L3MBTL3: variants seen among roughly 807,000 people sequenced by gnomAD.
L3MBTL3 encodes the protein L3MBTL histone methyl-lysine binding protein 3, also known as lethal(3)malignant brain tumor-like protein 3.
Under a neutral mutation model 102.3 loss-of-function variants are expected in L3MBTL3, and 27 were observed. That is an observed-to-expected ratio of 0.26 (90% CI 0.19 to 0.36). L3MBTL3 has a LOEUF of 0.36. Ranked by LOEUF, L3MBTL3 falls within the 10% of genes least tolerant of loss-of-function variation. The probability of loss-of-function intolerance (pLI) is 1.00; values close to 1 mark genes in which losing one functional copy is unlikely to be tolerated. For missense variants in L3MBTL3, 798 were observed against 955.3 expected (o/e 0.84, Z 2.17); for synonymous variants, 340 against 320.9 (o/e 1.06, Z -0.64).
intron 12 of L3MBTL3, 116 bp from the exon 13 acceptor site, chr6:130,070,860 A>G: frequency 2.3e-6 from 1 of 427,522 alleles, no homozygotes; most frequent in Non-Finnish European, 3.8e-6. Context: ...TGATTTTTAA[A>G]TTATGTGAAT....
chr6:130,124,616 G>A (rs1328000890), intron 20 of L3MBTL3, among the ~76,000 whole-genome samples: 1 of 152,070 alleles, frequency 6.6e-6, no homozygotes, highest in South Asian at 2.1e-4. Context: ...TGCTTCATTT[G>A]TATCTTTCTT....
chr6:130,101,670 C>T (rs1476324499), intron 18 of L3MBTL3, among the ~76,000 whole-genome samples: 1 of 152,204 alleles, frequency 6.6e-6, no homozygotes, highest in Non-Finnish European at 1.5e-5. Flanking sequence ...CCAGCAGCCT[C>T]CTCCTGTGCA....
intron 19 of L3MBTL3, among the ~76,000 whole-genome samples, chr6:130,111,597 A>T (rs1166048671): frequency 6.6e-6 from 1 of 152,222 alleles, no homozygotes; most frequent in Non-Finnish European, 1.5e-5. Flanking sequence ...TTGTAATAGG[A>T]CTAGCATAAG....
intron 8 of L3MBTL3, among the ~76,000 whole-genome samples, chr6:130,056,232 T>A (rs1781500692): frequency 6.6e-6 from 1 of 152,126 alleles, no homozygotes; most frequent in Non-Finnish European, 1.5e-5. Flanking sequence ...CTGGCCCTTT[T>A]TTTTGTTTGT....
At chr6:130,097,785 T>G (rs1784446112) in intron 18 of L3MBTL3, among the ~76,000 whole-genome samples, 1 of 152,110 alleles carries the variant, frequency 6.6e-6, no homozygotes, top group Non-Finnish European at 1.5e-5. Context: ...AGTAGACATT[T>G]GGCCAGGCGC....
At chr6:130,061,082 CTTTTTTT>C (rs146750598) in intron 10 of L3MBTL3, among the ~76,000 whole-genome samples, 1 of 114,164 alleles carries the variant, frequency 8.8e-6, no homozygotes. Context: ...TCTGTTAGCT[CTTTTTTT>C]TTTTTTTTTT....
intron 18 of L3MBTL3, 41 bp downstream of exon 18, chr6:130,094,408 T>C (rs756089814): frequency 3.3e-5 from 43 of 1,302,480 alleles, no homozygotes; most frequent in Non-Finnish European, 4.6e-5. Context: ...ATATAGGTGT[T>C]CCATATACAT....
In L3MBTL3 at chr6:130,120,890, C is replaced by G. The variant is rs913023620; in HGVS notation, c.1898C>G (p.Ala633Gly). The G allele has an allele frequency of 2.5e-6, 4 of 1,610,864 alleles. No homozygotes were observed. In the African/African-American group the frequency reaches 5.4e-5, roughly 22 times the overall value. Residue 633 changes from alanine (A) to glycine (G), a missense_variant, in exon 20 of 23, where the codon GCT becomes GGT. This residue lies in a region of L3MBTL3 where 306 missense variants were observed against 314.4 expected (regional missense o/e 0.97). Transcript: ENST00000361794. Reference protein sequence around the residue: ...SSSPEIRDQHADDVKEDFEER... With the variant: ...SSSPEIRDQHGDDVKEDFEER... ...CCTGTTTTTCTTAGAGACCAGCATG[C>G]TGATGATGTCAAAGAAGACTTTGAA...
chr6:130,078,882 C>T (rs1308605420), intron 14 of L3MBTL3, among the ~76,000 whole-genome samples: 1 of 152,018 alleles, frequency 6.6e-6, no homozygotes, highest in African/African-American at 2.4e-5. Context: ...GTTTGCTCAC[C>T]GCTGATGTAC....
At chr6:130,051,791 A>T (rs1305870743) in intron 6 of L3MBTL3, among the ~76,000 whole-genome samples, 1 of 152,254 alleles carries the variant, frequency 6.6e-6, no homozygotes, top group Non-Finnish European at 1.5e-5. Context: ...TAACTCGGTT[A>T]AAACTCCACC....
chr6:130,140,686 A>T lies in L3MBTL3; in HGVS notation c.*933A>T, dbSNP rs1359714570. The T allele has an allele frequency of 2.0e-5, 3 of 152,214 alleles. No homozygotes were observed. The highest frequency in any genetic ancestry group is 4.4e-5 in the Non-Finnish European group (3 of 68,052). 9.4% of individuals were successfully genotyped at this position (152,214 alleles called of 1,614,324 possible). ...GATGAAATTGTGGTGGTTTACAGAG[A>T]CTAAGAGCTCATTCTGTCAACAGAA... On this transcript the variant is annotated 3_prime_UTR_variant, in exon 23 of 23. Transcript: ENST00000361794.
At chr6:130,076,056 A>G (rs928014120) in intron 13 of L3MBTL3, among the ~76,000 whole-genome samples, 1 of 152,148 alleles carries the variant, frequency 6.6e-6, no homozygotes, top group Non-Finnish European at 1.5e-5. Flanking sequence ...GTTTAGTAGT[A>G]AAGTGCAGAG....
Position 130,124,118 on chromosome 6 carries a change from C to T in L3MBTL3, c.1966+3160C>T, listed in dbSNP as rs570252483. On this transcript the variant is annotated intron_variant, in intron 20 of 22. Transcript: ENST00000361794. ...CCCACAAGTTGTGCAGGTGGCGGTT[C>T]GGAGTTATCCCAAATTCAGGCAAGG... 7.9e-5 allele frequency among the ~76,000 whole-genome samples: 12 copies of T among 152,256 alleles called. 1 individual carries two copies. The South Asian group carries it at 2.1e-3, about 26-fold the overall frequency.
intron 1 of L3MBTL3, among the ~76,000 whole-genome samples, chr6:130,019,193 C>T (rs1184198419): frequency 6.6e-6 from 1 of 150,466 alleles, no homozygotes; most frequent in Non-Finnish European, 1.5e-5. Context: ...TTTCGTGACA[C>T]CGGGCGCGGG....
chr6:130,034,603 C>G (rs1025095111), intron 2 of L3MBTL3, among the ~76,000 whole-genome samples: 1 of 152,212 alleles, frequency 6.6e-6, no homozygotes. Flanking sequence ...TCCCCATATT[C>G]CCTTCATTCT....
chr6:130,059,150 T>C (rs1584344934), intron 9 of L3MBTL3, among the ~76,000 whole-genome samples: 2 of 152,176 alleles, frequency 1.3e-5, no homozygotes, highest in East Asian at 3.8e-4. Context: ...ATAAAAGTAC[T>C]ACAATAGTAT....
At chr6:130,111,352 A>G (rs1453196641) in intron 19 of L3MBTL3, among the ~76,000 whole-genome samples, 1 of 152,202 alleles carries the variant, frequency 6.6e-6, no homozygotes, top group Non-Finnish European at 1.5e-5. Context: ...TCCTTGAACC[A>G]GAGTGAGGCT....
At position 130,066,480 on chromosome 6, in the gene L3MBTL3, C is replaced by A. The variant is rs1180443935; in HGVS notation, c.992C>A (p.Pro331His). The part of the protein sequence containing the change: ...WCEKTGHKLH[P>H]PKGYKEEEFN... ...GAGAAAACCGGCCACAAACTCCATC[C>A]TCCAAAAGGTTTTGTCACTTTTTGT... Residue 331 changes from proline to histidine, a missense_variant, in exon 11 of 23, where the codon CCT (proline) becomes CAT (histidine). Coordinates refer to ENST00000361794, the MANE Select transcript of L3MBTL3 (RefSeq NM_032438.4). The A allele has an allele frequency of 3.7e-6, 6 of 1,608,480 alleles. No individual in the cohort carries two copies. The highest frequency in any genetic ancestry group is 5.1e-6 in the Non-Finnish European group (6 of 1,178,032).
intron 2 of L3MBTL3, among the ~76,000 whole-genome samples, chr6:130,036,334 G>A (rs1780061214): frequency 6.6e-6 from 1 of 152,060 alleles, no homozygotes; most frequent in Non-Finnish European, 1.5e-5. Context: ...AGTACCCATA[G>A]GCTTCAAAAT....
Sources: allele counts gnomAD v4.1 joint callset (sites outside exome capture counted in the v4.1 genomes callset), GRCh38; gene constraint gnomAD v4.1.1; regional missense constraint gnomAD v4.1.1; transcripts MANE v1.5; gene names NCBI Gene and HGNC (gene_info 2026-07-23, HGNC 2026-07-21).